SUGCT: variants seen among roughly 807,000 people sequenced by gnomAD.
SUGCT encodes the protein succinyl-CoA:glutarate-CoA transferase.
In SUGCT, 41 loss-of-function variants were observed where a neutral mutation model predicts 55.0. The observed-to-expected ratio is 0.74, with a 90% CI of 0.58 to 0.97. The LOEUF is 0.97. SUGCT is among the 50% of genes least tolerant of loss of function. The pLI is 0.00. For missense variants in SUGCT, 568 were observed against 547.8 expected, an observed-to-expected ratio of 1.04 and a Z score of -0.37; for synonymous variants, 187 against 200.4, an observed-to-expected ratio of 0.93 and a Z score of 0.56.
chr7:40,726,428 G>C (rs994033881), intron 12 of SUGCT, among the ~76,000 whole-genome samples: 1 of 152,070 alleles, frequency 6.6e-6, no homozygotes, highest in African/African-American at 2.4e-5. Flanking sequence ...TGAATAGGCT[G>C]AGGGGGGAGC....
intron 6 of SUGCT, among the ~76,000 whole-genome samples, chr7:40,228,900 T>C (rs1432274512): frequency 6.6e-6 from 1 of 152,202 alleles, no homozygotes; most frequent in Non-Finnish European, 1.5e-5. Context: ...ATATTTGATG[T>C]GCTTCAATTT....
At chr7:40,749,301 T>C (rs1444423504) in intron 12 of SUGCT, 133 bp from the exon 13 acceptor site, 1 of 731,574 alleles carries the variant, frequency 1.4e-6, no homozygotes. Flanking sequence ...TACTTTCAAA[T>C]GAAAATGTTA....
chr7:40,454,256 A>C (rs1010829798), intron 10 of SUGCT, among the ~76,000 whole-genome samples: 4 of 152,234 alleles, frequency 2.6e-5, no homozygotes, highest in Non-Finnish European at 5.9e-5. Flanking sequence ...AAAATATTTG[A>C]AGAAATAACA....
intron 7 of SUGCT, among the ~76,000 whole-genome samples, chr7:40,245,452 T>A (rs1173034434): frequency 5.1e-5 from 5 of 98,258 alleles, no homozygotes; most frequent in Admixed American, 1.1e-4. Context: ...TTTTTTTTTT[T>A]TTTTTGAGAT....
In SUGCT at chr7:40,251,628, C is replaced by T. The variant is rs544458851; in HGVS notation, c.576+13902C>T. Among the ~76,000 whole-genome samples the T allele has an allele frequency of 2.0e-5, 3 of 152,358 alleles. No individual in the cohort carries two copies. The South Asian group carries it at 6.2e-4, about 32-fold the overall frequency. ...GAAGGTACGTGGCAAATCCTGGCAG[C>T]ACCTTTGGTCTTGGTTCTGGGCCTG... On this transcript the variant is annotated intron_variant, in intron 7 of 13. Coordinates refer to ENST00000335693, the MANE Select transcript of SUGCT (RefSeq NM_001193313.2).
intron 1 of SUGCT, among the ~76,000 whole-genome samples, chr7:40,135,848 G>C (rs1277982321): frequency 6.6e-6 from 1 of 152,038 alleles, no homozygotes; most frequent in Non-Finnish European, 1.5e-5. Context: ...GTAGAGACGG[G>C]GTTTCGCCAT....
chr7:40,532,953 A>C (rs1224778262), intron 12 of SUGCT, among the ~76,000 whole-genome samples: 1 of 152,178 alleles, frequency 6.6e-6, no homozygotes, highest in Non-Finnish European at 1.5e-5. Flanking sequence ...TGAGTTGCTT[A>C]ACAGTTTCTG....
the SUGCT span, among the ~76,000 whole-genome samples, chr7:40,938,424 C>A: frequency 3.4e-4 from 52 of 151,776 alleles, no homozygotes; most frequent in Middle Eastern, 3.4e-3. Context: ...CTGAAGATTA[C>A]AAATAACACA....
intron 1 of SUGCT, among the ~76,000 whole-genome samples, chr7:40,150,337 A>T (rs1446770862): frequency 6.6e-6 from 1 of 152,144 alleles, no homozygotes; most frequent in Non-Finnish European, 1.5e-5. Context: ...CTCCTGGCTC[A>T]CTGGCTCCCC....
chr7:40,168,111 T>C (rs535270316), intron 1 of SUGCT, among the ~76,000 whole-genome samples: 5 of 152,304 alleles, frequency 3.3e-5, no homozygotes, highest in Admixed American at 2.0e-4. Context: ...ACCTGATTGG[T>C]TGGATGTGAG....
At chr7:40,766,827 T>C (rs1428841950) in intron 13 of SUGCT, among the ~76,000 whole-genome samples, 1 of 152,230 alleles carries the variant, frequency 6.6e-6, no homozygotes, top group Non-Finnish European at 1.5e-5. Flanking sequence ...CCAAGTCAAA[T>C]ACTTTAAGTG....
intron 12 of SUGCT, among the ~76,000 whole-genome samples, chr7:40,594,111 T>C (rs1311524714): frequency 2.0e-5 from 3 of 151,552 alleles, no homozygotes; most frequent in Non-Finnish European, 4.4e-5. Flanking sequence ...CAGTCATAGG[T>C]GGGAATTGAA....
intron 8 of SUGCT, among the ~76,000 whole-genome samples, chr7:40,276,160 C>T (rs1792463899): frequency 6.6e-6 from 1 of 152,118 alleles, no homozygotes; most frequent in South Asian, 2.1e-4. Context: ...ATAACAGTAG[C>T]TTCGAGTCGT....
intron 1 of SUGCT, among the ~76,000 whole-genome samples, chr7:40,144,611 G>A (rs896196047): frequency 2.6e-5 from 4 of 152,138 alleles, no homozygotes; most frequent in African/African-American, 9.7e-5. Flanking sequence ...GAAATTCTAG[G>A]GGTGGTACCT....
chr7:40,924,736 C>T, the SUGCT span, among the ~76,000 whole-genome samples: 1 of 152,162 alleles, frequency 6.6e-6, no homozygotes, highest in Non-Finnish European at 1.5e-5. Flanking sequence ...GCATAACGTA[C>T]AGGCCATGAA....
chr7:40,639,638 C>CGAG (rs1800178848), intron 12 of SUGCT, among the ~76,000 whole-genome samples: 1 of 151,566 alleles, frequency 6.6e-6, no homozygotes, highest in South Asian at 2.1e-4. Context: ...CCTCACCCTC[C>CGAG]TGAGTAGCTG....
chr7:40,695,925 A>T (rs1392892433), intron 12 of SUGCT, among the ~76,000 whole-genome samples: 1 of 152,160 alleles, frequency 6.6e-6, no homozygotes, highest in Non-Finnish European at 1.5e-5. Context: ...GGAGATGATG[A>T]AACTGAGGTC....
intron 12 of SUGCT, among the ~76,000 whole-genome samples, chr7:40,525,316 G>C (rs1201181209): frequency 6.6e-6 from 1 of 152,096 alleles, no homozygotes; most frequent in East Asian, 1.9e-4. Context: ...TGGAGTGTAG[G>C]GTTCACATAA....
chr7:41,008,896 C>G, the SUGCT span, among the ~76,000 whole-genome samples: 2 of 151,936 alleles, frequency 1.3e-5, no homozygotes, highest in Middle Eastern at 3.2e-3. Flanking sequence ...TGGTCCCACC[C>G]GAAGGGATGG....
Sources: gnomAD v4.1 joint callset for allele counts (sites outside exome capture counted in the v4.1 genomes callset) on GRCh38, gnomAD v4.1.1 for gene constraint, MANE v1.5 for transcripts, NCBI Gene and HGNC (gene_info 2026-07-23, HGNC 2026-07-21) for gene names.